LOC400499: variants seen among roughly 807,000 people sequenced by gnomAD.
the LOC400499 span, chr16:11,521,916 A>G: frequency 2.5e-6 from 1 of 399,158 alleles, no homozygotes; most frequent in East Asian, 3.6e-5. Context: ...CCTCCCCAGC[A>G]TCAACGTGAT....
chr16:11,447,946 GC>G, the LOC400499 span: 1 of 1,535,598 alleles, frequency 6.5e-7, no homozygotes, highest in South Asian at 1.2e-5. Flanking sequence ...AAGGAGCAAG[GC>G]CCCCCGTTTC....
the LOC400499 span, chr16:11,423,143 A>G: frequency 6.5e-5 from 26 of 399,282 alleles, no homozygotes; most frequent in African/African-American, 4.3e-4. Context: ...CCCACTATGT[A>G]CCACAACCAT....
the LOC400499 span, among the ~76,000 whole-genome samples, chr16:11,487,040 G>A: frequency 6.6e-6 from 1 of 151,956 alleles, no homozygotes; most frequent in African/African-American, 2.4e-5. Flanking sequence ...CAGGTCAGTG[G>A]ATAGATGGAA....
At chr16:11,486,018 G>A in the LOC400499 span, among the ~76,000 whole-genome samples, 1 of 152,152 alleles carries the variant, frequency 6.6e-6, no homozygotes, top group East Asian at 1.9e-4. Context: ...TGGATGGGTG[G>A]GTGGGTGGTT....
chr16:11,403,687 C>G, the LOC400499 span, among the ~76,000 whole-genome samples: 1 of 152,222 alleles, frequency 6.6e-6, no homozygotes, highest in Non-Finnish European at 1.5e-5. Flanking sequence ...CTGCTCTGTG[C>G]TCAGGAGGTT....
the LOC400499 span, among the ~76,000 whole-genome samples, chr16:11,502,914 C>T: frequency 1.7e-5 from 1 of 58,658 alleles, no homozygotes; most frequent in African/African-American, 5.9e-5. Context: ...ACACCTGGAC[C>T]ACCTTTTTTT....
the LOC400499 span, chr16:11,502,132 C>A: frequency 2.5e-6 from 1 of 399,158 alleles, no homozygotes; most frequent in South Asian, 1.3e-4. Context: ...AGCTCACCCC[C>A]AGAAAGGCCC....
chr16:11,387,347 C>G, the LOC400499 span: 1 of 1,225,110 alleles, frequency 8.2e-7, no homozygotes, highest in African/African-American at 1.6e-5. Context: ...CCTTGCTTCC[C>G]TTGGCTGCAG....
the LOC400499 span, among the ~76,000 whole-genome samples, chr16:11,477,388 C>G: frequency 6.6e-6 from 1 of 152,238 alleles, no homozygotes; most frequent in Non-Finnish European, 1.5e-5. Context: ...ATATTGCACA[C>G]CTTCTGCTCT....
the LOC400499 span, chr16:11,407,431 G>A: frequency 5.0e-6 from 2 of 396,106 alleles, no homozygotes; most frequent in Non-Finnish European, 8.9e-6. Flanking sequence ...GCTGTAGGCC[G>A]AGGGCTCTGC....
At chr16:11,459,852 G>A in the LOC400499 span, 1 of 1,317,046 alleles carries the variant, frequency 7.6e-7, no homozygotes, top group Non-Finnish European at 9.7e-7. Flanking sequence ...TACCGTCCAT[G>A]CTGGACTCAT....
chr16:11,492,376 C>T, the LOC400499 span, among the ~76,000 whole-genome samples: 1 of 150,914 alleles, frequency 6.6e-6, no homozygotes, highest in African/African-American at 2.4e-5. Flanking sequence ...ACTATGCACT[C>T]AGCACTGTGC....
chr16:11,425,360 G>A, the LOC400499 span: 10 of 399,384 alleles, frequency 2.5e-5, no homozygotes, highest in East Asian at 7.1e-5. Flanking sequence ...CGCTGGTGCC[G>A]TTCCCTGCCT....
At chr16:11,396,587 T>C in the LOC400499 span, 1 of 1,232,114 alleles carries the variant, frequency 8.1e-7, no homozygotes, top group Non-Finnish European at 1.0e-6. Context: ...CAGGCCGTGG[T>C]CTGGGTCTGG....
chr16:11,446,805 A>C, the LOC400499 span: 1 of 1,536,112 alleles, frequency 6.5e-7, no homozygotes, highest in Non-Finnish European at 8.7e-7. Context: ...CCTCTCGGCC[A>C]TTCAGGACAA....
At chr16:11,414,950 T>C in the LOC400499 span, among the ~76,000 whole-genome samples, 1 of 152,166 alleles carries the variant, frequency 6.6e-6, no homozygotes, top group African/African-American at 2.4e-5. Context: ...GGTCAGTGCC[T>C]GGGGTCGGGA....
At chr16:11,412,542 C>G in the LOC400499 span, among the ~76,000 whole-genome samples, 2 of 152,220 alleles carry the variant, frequency 1.3e-5, no homozygotes, top group African/African-American at 4.8e-5. Context: ...GAGCACCAAG[C>G]GCCTCACCAG....
chr16:11,434,953 T>C, the LOC400499 span, among the ~76,000 whole-genome samples: 1 of 152,200 alleles, frequency 6.6e-6, no homozygotes, highest in Non-Finnish European at 1.5e-5. Flanking sequence ...TAGTGATTTT[T>C]ATTTCATTCC....
At chr16:11,406,714 G>A in the LOC400499 span, among the ~76,000 whole-genome samples, 1,808 of 152,300 alleles carry the variant, frequency 0.012, 41 homozygotes, top group African/African-American at 0.04. Context: ...TTACAGGCGC[G>A]AGCCACCGTG....
Sources: allele counts gnomAD v4.1 joint callset (sites outside exome capture counted in the v4.1 genomes callset), GRCh38; gene constraint gnomAD v4.1.1; transcripts MANE v1.5.